FMNL3: variants seen among roughly 807,000 people sequenced by gnomAD.
The protein encoded by FMNL3 is formin like 3.
A neutral mutation model predicts 119.6 loss-of-function variants in FMNL3; 57 were observed. The ratio of observed to expected loss-of-function variants is 0.48; its 90% confidence interval spans 0.39 to 0.59. The LOEUF (loss-of-function observed/expected upper bound fraction) is 0.59, where lower values mean the gene tolerates loss of function less well. Ranked by LOEUF, FMNL3 falls within the 20% of genes least tolerant of loss-of-function variation. FMNL3 has a pLI of 0.00. For missense variants in FMNL3, 1,053 were observed against 1,323.5 expected (o/e 0.80, Z 3.17); for synonymous variants, 491 against 507.3 (o/e 0.97, Z 0.43).
intron 1 of FMNL3, among the ~76,000 whole-genome samples, chr12:49,692,376 C>G (rs2139008359): frequency 6.6e-6 from 1 of 151,802 alleles, no homozygotes; most frequent in East Asian, 1.9e-4. Flanking sequence ...TTTATTCCTC[C>G]TTTTCTCTTA....
At chr12:49,694,319 A>G (rs778714262) in intron 1 of FMNL3, among the ~76,000 whole-genome samples, 1 of 152,244 alleles carries the variant, frequency 6.6e-6, no homozygotes, top group Non-Finnish European at 1.5e-5. Context: ...CCCTGAGTAG[A>G]TGAATGGGAG....
intron 1 of FMNL3, among the ~76,000 whole-genome samples, chr12:49,672,192 C>T (rs533538705): frequency 2.0e-5 from 3 of 152,224 alleles, no homozygotes; most frequent in African/African-American, 4.8e-5. Flanking sequence ...GCAATTGCTT[C>T]GCAACACTCT....
chr12:49,704,853 G>A (rs776542056), intron 1 of FMNL3, among the ~76,000 whole-genome samples: 3 of 152,082 alleles, frequency 2.0e-5, no homozygotes, highest in Non-Finnish European at 4.4e-5. Flanking sequence ...TTACAGATGA[G>A]GAAGAAGTCT....
rs35284603 is a variant in FMNL3, at chr12:49,687,096, C to CT, written c.127-18543dup. Among the ~76,000 whole-genome samples the CT allele has an allele frequency of 8.8e-3, 1,249 of 142,338 alleles. 13 individuals are homozygous for CT. The highest frequency in any genetic ancestry group is 0.017 in the East Asian group (85 of 4,944). 93.4% of individuals were successfully genotyped at this position (142,338 alleles called of 152,430 possible). On this transcript the variant is annotated intron_variant, in intron 1 of 25. Transcript: ENST00000335154. ...TCTTATCTAAATATCTTCCCCATTC[C>CT]TTTTTTTTTTTTTTTTGAGACGGAG...
At chr12:49,705,413 G>A (rs1463065446) in intron 1 of FMNL3, among the ~76,000 whole-genome samples, 1 of 152,118 alleles carries the variant, frequency 6.6e-6, no homozygotes, top group African/African-American at 2.4e-5. Context: ...AGAACATGAT[G>A]GATTCTGGTT....
At chr12:49,693,941 A>C (rs1384836719) in intron 1 of FMNL3, among the ~76,000 whole-genome samples, 53 of 148,656 alleles carry the variant, frequency 3.6e-4, no homozygotes, top group Non-Finnish European at 1.9e-4. Context: ...AGCCACCAAC[A>C]ATCTTATTTT....
In FMNL3 at chr12:49,644,064, G is replaced by A. The variant is rs779252211; in HGVS notation, c.*1751C>T. On this transcript the variant is annotated 3_prime_UTR_variant, in exon 26 of 26. Coordinates refer to ENST00000335154, the MANE Select transcript of FMNL3 (RefSeq NM_175736.5). ...TGGTCAAGCTTCCACGGCCCTTAGTGCAGGCTAAGGGTGAACTGTGCCTTT... is the reference window on the plus strand; with the variant it reads ...TGGTCAAGCTTCCACGGCCCTTAGTACAGGCTAAGGGTGAACTGTGCCTTT... 9 of 1,613,994 alleles carry A rather than the reference G, an allele frequency of 5.6e-6. No homozygotes were observed. The highest frequency in any genetic ancestry group is 6.8e-6 in the Non-Finnish European group (8 of 1,179,838).
chr12:49,690,842 C>T (rs146096585), intron 1 of FMNL3, among the ~76,000 whole-genome samples: 2 of 152,310 alleles, frequency 1.3e-5, no homozygotes, highest in East Asian at 1.9e-4. Flanking sequence ...GGCAGGAGTG[C>T]GAGACCAGCC....
chr12:49,699,572 G>A (rs768529143), intron 1 of FMNL3, among the ~76,000 whole-genome samples: 7 of 152,136 alleles, frequency 4.6e-5, no homozygotes, highest in East Asian at 3.8e-4. Context: ...AGAAAGTAAC[G>A]GGCAGGAAGC....
chr12:49,668,666 C>T (rs1388853541), intron 1 of FMNL3, 112 bp from the exon 2 acceptor site: 2 of 838,322 alleles, frequency 2.4e-6, no homozygotes, highest in Non-Finnish European at 3.9e-6. Flanking sequence ...CACCCTGACA[C>T]TCCATCGCTG....
chr12:49,647,482 A>G lies in FMNL3; in HGVS notation c.2779-114T>C. ...TGGGACCCGCTAACTCCAGGTGGCC[A>G]CCCTCTGGAGGGGCACTTCCTGCCC... is the stretch of plus-strand genomic sequence containing the variant. On this transcript the variant is annotated intron_variant, in intron 23 of 25. Coordinates refer to ENST00000335154, the MANE Select transcript of FMNL3 (RefSeq NM_175736.5). The surrounding 1 kb of genome is among the most constrained non-coding windows in gnomAD (Gnocchi z 4.9). 8.2e-7 allele frequency: 1 copy of G among 1,225,374 alleles called. No homozygotes were observed. Among genetic ancestry groups the G allele is most frequent in the Non-Finnish European group, 1.2e-6 (1 of 845,124 alleles). The allele number at this position is 1,225,374 out of a possible 1,614,324, so 75.9% of individuals were successfully genotyped here.
chr12:49,650,790 G>A lies in FMNL3; in HGVS notation c.1886C>T (p.Ala629Val), dbSNP rs749938194. 18 of 1,614,076 alleles carry A rather than the reference G, an allele frequency of 1.1e-5. No homozygotes were observed. The highest frequency in any genetic ancestry group is 2.2e-5 in the East Asian group (1 of 44,890). Residue 629 changes from alanine to valine, a missense_variant, in exon 17 of 26, where the codon GCG becomes GTG. Coordinates refer to ENST00000335154, the MANE Select transcript of FMNL3 (RefSeq NM_175736.5). Reference protein sequence around the residue: ...LDLICSKNKTAQKAASKVTLL... With the variant: ...LDLICSKNKTVQKAASKVTLL... ...AGTCACCTTGCTGGCAGCTTTTTGC[G>A]CTGTCTTGTTTTTGGAGCAGATGAG...
intron 1 of FMNL3, among the ~76,000 whole-genome samples, chr12:49,693,635 G>GTTTTTTTTATTTTTTTT (rs1565896489): frequency 4.7e-5 from 1 of 21,216 alleles, no homozygotes; most frequent in Non-Finnish European, 1.2e-4. Context: ...TCCCAATCTT[G>GTTTTTTTTATTTTTTTT]GTTTTTTTTT....
Position 49,642,127 on chromosome 12 carries a change from T to G in FMNL3, c.*3688A>C. 6.2e-7 allele frequency: 1 copy of G among 1,603,524 alleles called. No individual in the cohort carries two copies. The highest frequency in any genetic ancestry group is 8.5e-7 in the Non-Finnish European group (1 of 1,172,592). ...CTGACTATATTCCCAATTCAGGGGA[T>G]GGTGGTAGAAGCCCAGACCCTAACT... On this transcript the variant is annotated 3_prime_UTR_variant, in exon 26 of 26. Transcript: ENST00000335154. This position sits in a 1 kb window ranked among gnomAD's most constrained non-coding sequence, Gnocchi z 5.8.
At chr12:49,666,797 A>G (rs2138855531) in intron 2 of FMNL3, among the ~76,000 whole-genome samples, 1 of 149,774 alleles carries the variant, frequency 6.7e-6, no homozygotes, top group South Asian at 2.1e-4. Context: ...ATCCCTCTCT[A>G]AAAAAAAAAT....
Position 49,643,225 on chromosome 12 carries a change from C to T in FMNL3, c.*2590G>A. ...CATGTATCTGCTGATCTGCCCAGGGCTCTGAGTCAGAAGAAGAGGAGCTGC... is the reference window on the plus strand; with the variant it reads ...CATGTATCTGCTGATCTGCCCAGGGTTCTGAGTCAGAAGAAGAGGAGCTGC... On this transcript the variant is annotated 3_prime_UTR_variant, in exon 26 of 26. Transcript: ENST00000335154. 2 of 1,614,072 alleles carry T rather than the reference C, an allele frequency of 1.2e-6. No individual in the cohort carries two copies. The highest frequency in any genetic ancestry group is 1.7e-6 in the Non-Finnish European group (2 of 1,180,016).
intron 1 of FMNL3, among the ~76,000 whole-genome samples, chr12:49,676,108 A>C (rs982264220): frequency 2.0e-5 from 3 of 152,212 alleles, no homozygotes; most frequent in African/African-American, 7.2e-5. Flanking sequence ...CTCCAAGCAT[A>C]ATCACATTTA....
intron 1 of FMNL3, among the ~76,000 whole-genome samples, chr12:49,692,265 G>C (rs947046809): frequency 2.6e-5 from 4 of 151,638 alleles, no homozygotes; most frequent in Non-Finnish European, 5.9e-5. Context: ...GATTGAGCCT[G>C]AGAAGTTGAG....
chr12:49,685,974 C>CG (rs1377054018), intron 1 of FMNL3, among the ~76,000 whole-genome samples: 1 of 151,492 alleles, frequency 6.6e-6, no homozygotes, highest in Non-Finnish European at 1.5e-5. Context: ...GGCTGAGGCA[C>CG]GAGAATCACT....
Sources: gnomAD v4.1 joint callset for allele counts (sites outside exome capture counted in the v4.1 genomes callset) on GRCh38, gnomAD v4.1.1 for gene constraint, Gnocchi (gnomAD v3.1) non-coding constraint, MANE v1.5 for transcripts, NCBI Gene and HGNC (gene_info 2026-07-23, HGNC 2026-07-21) for gene names.